Variants in PKM observed in about 807,000 individuals in gnomAD.
PKM encodes pyruvate kinase M1/2.
In PKM, 18 loss-of-function variants were observed where a neutral mutation model predicts 49.8. That is an observed-to-expected ratio of 0.36 (90% CI 0.25 to 0.54). PKM has a LOEUF of 0.54. Ranked by LOEUF, PKM falls within the 20% of genes least tolerant of loss-of-function variation. PKM has a pLI of 0.89. For missense variants in PKM, 508 were observed against 713.8 expected (o/e 0.71, Z 3.28); for synonymous variants, 239 against 261.8 (o/e 0.91, Z 0.84).
At position 72,199,257 on chromosome 15, in the gene PKM, GC is replaced by G; in HGVS notation, c.*392del. 1 of 377,826 alleles carries G rather than the reference GC, an allele frequency of 2.6e-6. No homozygotes were observed. The highest frequency in any genetic ancestry group is 5.2e-6 in the Non-Finnish European group (1 of 193,836). 23.4% of individuals were successfully genotyped at this position (377,826 alleles called of 1,614,324 possible). ...TGGAACAACAGCCCAGTGCCCTAAG[GC>G]CCCTAACTCTTGCTGGCTGTTTCTT... On this transcript the variant is annotated 3_prime_UTR_variant, in exon 11 of 11. Coordinates refer to ENST00000335181, the MANE Select transcript of PKM (RefSeq NM_002654.6).
chr15:72,220,769 A>G (rs1166980134), intron 1 of PKM, among the ~76,000 whole-genome samples: 1 of 152,198 alleles, frequency 6.6e-6, no homozygotes, highest in Non-Finnish European at 1.5e-5. Flanking sequence ...TCTTTGTCAG[A>G]ATCAAAGTTA....
At position 72,208,425 on chromosome 15, in the gene PKM, T is replaced by TA. The variant is rs199654633; in HGVS notation, c.836+195dup. ...CTCAATTACCTGGGAAGCTTTTTTTTAAAAAAAACAAAAAAACAAAAACAA... is the reference window on the plus strand; with the variant it reads ...CTCAATTACCTGGGAAGCTTTTTTTTAAAAAAAAACAAAAAAACAAAAACAA... On this transcript the variant is annotated intron_variant, in intron 6 of 10. Coordinates refer to ENST00000335181, the MANE Select transcript of PKM (RefSeq NM_002654.6). 3.0e-3 allele frequency among the ~76,000 whole-genome samples: 445 copies of TA among 150,788 alleles called. 5 individuals are homozygous for TA. Among genetic ancestry groups the TA allele is most frequent in the East Asian group, 3.5e-3 (18 of 5,166 alleles).
At chr15:72,230,669 A>T (rs1314892592) in intron 1 of PKM, among the ~76,000 whole-genome samples, 1 of 152,152 alleles carries the variant, frequency 6.6e-6, no homozygotes, top group Admixed American at 6.5e-5. Flanking sequence ...ATCAGGGGAC[A>T]CGCACAGCTT....
chr15:72,230,916 G>T, intron 1 of PKM, 200 bp downstream of exon 1: 1 of 1,286,710 alleles, frequency 7.8e-7, no homozygotes, highest in Non-Finnish European at 1.0e-6. Flanking sequence ...TGGAAGGAAC[G>T]GCGCTGGGGA....
chr15:72,218,310 A>G (rs2082426112), intron 2 of PKM, among the ~76,000 whole-genome samples: 1 of 152,000 alleles, frequency 6.6e-6, no homozygotes, highest in African/African-American at 2.4e-5. Context: ...TATTTTTAGT[A>G]GAGATGGGAT....
At chr15:72,230,786 G>T in intron 1 of PKM, 1 of 439,978 alleles carries the variant, frequency 2.3e-6, no homozygotes, top group Non-Finnish European at 4.0e-6. Flanking sequence ...AATCACGAGG[G>T]ACCGAGAGAA....
Position 72,210,424 on chromosome 15 carries a change from C to G in PKM, c.301G>C (p.Asp101His), listed in dbSNP as rs1448084023. The change falls in exon 4 of 11, where the codon GAC becomes CAC. Residue 101 changes from aspartate (D) to histidine (H), a missense_variant. Coordinates refer to ENST00000335181, the MANE Select transcript of PKM (RefSeq NM_002654.6). ...VRTATESFAS[D>H]PILYRPVAVA... ...GCAACGGGCCGGTAGAGGATGGGGT[C>G]AGAAGCAAAGCTTTCCGTGGCTGTG... The G allele has an allele frequency of 7.4e-6, 12 of 1,614,054 alleles. No homozygotes were observed. The highest frequency in any genetic ancestry group is 9.3e-6 in the Non-Finnish European group (11 of 1,180,016).
At chr15:72,221,411 C>T (rs930064229) in intron 1 of PKM, 11 of 574,934 alleles carry the variant, frequency 1.9e-5, no homozygotes, top group African/African-American at 3.7e-5. Flanking sequence ...TCTCTTTAAA[C>T]CTGTGATTTA....
rs370241711 is a variant in PKM, at chr15:72,225,618, T to C, written c.-14+5498A>G. Among the ~76,000 whole-genome samples the C allele has an allele frequency of 1.2e-4, 19 of 152,360 alleles. No homozygotes were observed. In the East Asian group the frequency reaches 3.5e-3, roughly 28 times the overall value. On this transcript the variant is annotated intron_variant, in intron 1 of 10. Coordinates refer to ENST00000335181, the MANE Select transcript of PKM (RefSeq NM_002654.6). ...TTTCTTAATGCCCTAAGTGGTATAC[T>C]GTATATATCACTGAGTAACTTGTTT...
In PKM at chr15:72,199,516, ATCT is replaced by A. The variant is rs1567097141; in HGVS notation, c.*131_*133del. 2.7e-6 allele frequency: 2 copies of A among 727,350 alleles called. No homozygotes were observed. Among genetic ancestry groups the A allele is most frequent in the Non-Finnish European group, 5.0e-6 (2 of 396,110 alleles). The allele number at this position is 727,350 out of a possible 1,614,324, so 45.1% of individuals were successfully genotyped here. A position where few individuals can be genotyped will look rare whatever the true frequency, so the allele number is the denominator to read the frequency against. ...ACAGCCATGTTTCAGTGAGGCGTTG[ATCT>A]TCTTCCCTGGTGTCCCAACCTACCA... On this transcript the variant is annotated 3_prime_UTR_variant, in exon 11 of 11. Transcript: ENST00000335181.
At chr15:72,205,624 G>GTTTTTTTTTTTTT (rs140232218) in intron 8 of PKM, among the ~76,000 whole-genome samples, 3 of 99,736 alleles carry the variant, frequency 3.0e-5, no homozygotes, top group African/African-American at 3.6e-5. Flanking sequence ...GGGTGTTTTA[G>GTTTTTTTTTTTTT]TTTTTTTTTT....
At chr15:72,229,835 AC>A in intron 1 of PKM, 1 of 334,500 alleles carries the variant, frequency 3.0e-6, no homozygotes, top group Non-Finnish European at 4.4e-6. Context: ...CCCCTCCGTA[AC>A]CAGATCCCCA....
intron 1 of PKM, among the ~76,000 whole-genome samples, chr15:72,227,744 C>CAAAAAAAAAAAAAAAAAAAA (rs34876633): frequency 3.7e-4 from 4 of 10,810 alleles, no homozygotes; most frequent in African/African-American, 8.8e-4. Flanking sequence ...AAAACTATCT[C>CAAAAAAAAAAAAAAAAAAAA]AAAAAAAAAA....
At chr15:72,207,418 C>T (rs1401356256) in intron 6 of PKM, 141 bp from the exon 7 acceptor site, 22 of 788,832 alleles carry the variant, frequency 2.8e-5, no homozygotes, top group Non-Finnish European at 4.2e-5. Flanking sequence ...CATGGGTGCA[C>T]ACAGATGGCA....
chr15:72,212,741 G>A (rs567667252), intron 3 of PKM, among the ~76,000 whole-genome samples: 1 of 152,248 alleles, frequency 6.6e-6, no homozygotes, highest in South Asian at 2.1e-4. Context: ...CCTGCGGAAG[G>A]CTCTATATTT....
At chr15:72,214,225 CGTG>C (rs1293710034) in intron 3 of PKM, among the ~76,000 whole-genome samples, 1 of 152,080 alleles carries the variant, frequency 6.6e-6, no homozygotes, top group Non-Finnish European at 1.5e-5. Context: ...CTTTATGAAA[CGTG>C]GGGGTTTTTT....
intron 3 of PKM, among the ~76,000 whole-genome samples, chr15:72,211,212 C>T (rs8028636): frequency 1.4e-3 from 218 of 152,150 alleles, no homozygotes; most frequent in African/African-American, 4.9e-3. Flanking sequence ...GGACTGCAGG[C>T]GCCCACCACC....
Position 72,202,579 on chromosome 15 carries a change from T to A in PKM, c.1182A>T (p.Leu394Phe). Residue 394 changes from leucine to phenylalanine, a missense_variant, in exon 9 of 11, where the codon TTA (leucine) becomes TTT (phenylalanine). Leu to Phe is a conservative substitution (Grantham distance 22). Coordinates refer to ENST00000335181, the MANE Select transcript of PKM (RefSeq NM_002654.6). This position sits in a 1 kb window ranked among gnomAD's most constrained non-coding sequence, Gnocchi z 4.5. ...GCGCCAGGCGGCGGAGTTCCTCAAA[T>A]AATTGCAAGTGGTAGATGGCAGCCT... ...EAEAAIYHLQ[L>F]FEELRRLAPI... The A allele has an allele frequency of 1.2e-6, 2 of 1,613,630 alleles. No homozygotes were observed. The highest frequency in any genetic ancestry group is 1.7e-6 in the Non-Finnish European group (2 of 1,179,916).
At chr15:72,213,206 A>C (rs1021696314) in intron 3 of PKM, among the ~76,000 whole-genome samples, 2 of 152,178 alleles carry the variant, frequency 1.3e-5, no homozygotes, top group Non-Finnish European at 2.9e-5. Context: ...TGGATTATTA[A>C]ATTTTATTTG....
Sources: gnomAD v4.1 joint callset for allele counts (sites outside exome capture counted in the v4.1 genomes callset) on GRCh38, gnomAD v4.1.1 for gene constraint, Gnocchi (gnomAD v3.1) non-coding constraint, MANE v1.5 for transcripts, NCBI Gene and HGNC (gene_info 2026-07-23, HGNC 2026-07-21) for gene names.